Variants in CNTNAP2 observed in about 807,000 individuals in gnomAD.
The protein encoded by CNTNAP2 is contactin associated protein 2.
A neutral mutation model predicts 155.2 loss-of-function variants in CNTNAP2; 98 were observed. The observed-to-expected ratio is 0.63, with a 90% CI of 0.54 to 0.75. CNTNAP2 has a LOEUF of 0.75. Among genes scored for constraint, CNTNAP2 ranks in the 30% least tolerant of loss-of-function variants. The pLI, the probability that CNTNAP2 is intolerant of heterozygous loss-of-function variation, is 0.00. For synonymous variants in CNTNAP2, 651 were observed against 631.2 expected, an observed-to-expected ratio of 1.03 and a Z score of -0.47; for missense variants, 1,727 against 1,688.1, an observed-to-expected ratio of 1.02 and a Z score of -0.40.
chr7:146,991,340 G>A (rs1417242430), intron 3 of CNTNAP2, among the ~76,000 whole-genome samples: 1 of 151,930 alleles, frequency 6.6e-6, no homozygotes, highest in African/African-American at 2.4e-5. Context: ...GTAAAGGAAG[G>A]ACACCTGATA....
At chr7:147,180,121 G>A (rs1802424573) in intron 8 of CNTNAP2, among the ~76,000 whole-genome samples, 1 of 152,090 alleles carries the variant, frequency 6.6e-6, no homozygotes, top group Non-Finnish European at 1.5e-5. Flanking sequence ...AAGGGACCAG[G>A]AAGGTGCACA....
At chr7:146,551,989 G>GA (rs907657374) in intron 1 of CNTNAP2, among the ~76,000 whole-genome samples, 1 of 151,648 alleles carries the variant, frequency 6.6e-6, no homozygotes, top group South Asian at 2.1e-4. Context: ...CTGACATAAT[G>GA]AAAAAAATAT....
chr7:147,996,543 C>G (rs1365121287), intron 15 of CNTNAP2, among the ~76,000 whole-genome samples: 2 of 152,118 alleles, frequency 1.3e-5, no homozygotes, highest in Non-Finnish European at 2.9e-5. Context: ...ATTTCCTCAT[C>G]TGTAAAATAG....
At chr7:147,975,051 TATA>T (rs1483795937) in intron 14 of CNTNAP2, among the ~76,000 whole-genome samples, 1 of 151,356 alleles carries the variant, frequency 6.6e-6, no homozygotes, top group African/African-American at 2.4e-5. Context: ...TTGTATTACG[TATA>T]ATACAATTTT....
chr7:147,266,001 G>C (rs542922213), intron 8 of CNTNAP2, among the ~76,000 whole-genome samples: 3 of 152,090 alleles, frequency 2.0e-5, no homozygotes, highest in Non-Finnish European at 4.4e-5. Context: ...CAACCTCAAA[G>C]ATCTGAACCA....
intron 17 of CNTNAP2, among the ~76,000 whole-genome samples, chr7:148,166,488 GTT>G (rs5888308): frequency 0.082 from 12,126 of 148,120 alleles, 625 homozygotes; most frequent in East Asian, 0.24. Context: ...TGAGGACAGT[GTT>G]TTTTTTTTTA....
At chr7:147,581,980 A>G (rs1443185154) in intron 12 of CNTNAP2, among the ~76,000 whole-genome samples, 1 of 152,198 alleles carries the variant, frequency 6.6e-6, no homozygotes, top group African/African-American at 2.4e-5. Flanking sequence ...TAAGATATGA[A>G]CAAAGAGATT....
chr7:147,202,556 C>A (rs1251939578), intron 8 of CNTNAP2, among the ~76,000 whole-genome samples: 1 of 151,816 alleles, frequency 6.6e-6, no homozygotes, highest in African/African-American at 2.4e-5. Flanking sequence ...TAGGAGAGGC[C>A]CCAAGAATGA....
intron 3 of CNTNAP2, among the ~76,000 whole-genome samples, chr7:146,976,652 C>T (rs1314782914): frequency 6.6e-6 from 1 of 152,168 alleles, no homozygotes; most frequent in African/African-American, 2.4e-5. Flanking sequence ...CTAGGAACCT[C>T]CATGTGTTCA....
At chr7:147,285,494 T>C (rs1027207283) in intron 8 of CNTNAP2, among the ~76,000 whole-genome samples, 2 of 152,008 alleles carry the variant, frequency 1.3e-5, no homozygotes, top group Non-Finnish European at 2.9e-5. Context: ...ATTTTAAGCT[T>C]TTGTTATAAA....
intron 20 of CNTNAP2, among the ~76,000 whole-genome samples, chr7:148,258,225 G>C (rs373492142): frequency 2.0e-5 from 3 of 152,192 alleles, no homozygotes; most frequent in Non-Finnish European, 4.4e-5. Flanking sequence ...CGCTCCTGGG[G>C]CAGGAGTGGT....
chr7:147,371,959 T>A (rs758042939), intron 9 of CNTNAP2, among the ~76,000 whole-genome samples: 2 of 152,124 alleles, frequency 1.3e-5, no homozygotes, highest in Non-Finnish European at 2.9e-5. Context: ...TCCCTAAATC[T>A]TGTTTCACAG....
intron 13 of CNTNAP2, among the ~76,000 whole-genome samples, chr7:147,719,255 A>C (rs939151681): frequency 6.6e-6 from 1 of 152,098 alleles, no homozygotes; most frequent in African/African-American, 2.4e-5. Context: ...CTCCAACTGC[A>C]AACAAGCCCA....
rs541693598 is a variant in CNTNAP2, at chr7:147,217,137, C to T, written c.1349-83004C>T. Among the ~76,000 whole-genome samples, 169 of 152,026 alleles carry T rather than the reference C, an allele frequency of 1.1e-3. 1 individual carries two copies. The highest frequency in any genetic ancestry group is 3.9e-3 in the African/African-American group (163 of 41,516). ...GTCATCAGAAAAAACATGATTTCTT[C>T]CTTTTTTCTTTTTCTTTCTTGCTGC... is the stretch of plus-strand genomic sequence containing the variant. On this transcript the variant is annotated intron_variant, in intron 8 of 23. Transcript: ENST00000361727.
chr7:148,028,149 C>T (rs917774709), intron 15 of CNTNAP2, among the ~76,000 whole-genome samples: 2 of 152,212 alleles, frequency 1.3e-5, no homozygotes, highest in South Asian at 2.1e-4. Flanking sequence ...ATTGTACAGA[C>T]GAAATCGGTG....
Position 146,602,023 on chromosome 7 carries a change from G to A in CNTNAP2, c.98-172248G>A, listed in dbSNP as rs1017631291. On this transcript the variant is annotated intron_variant, in intron 1 of 23. Coordinates refer to ENST00000361727, the MANE Select transcript of CNTNAP2 (RefSeq NM_014141.6). Reference sequence around the variant, plus strand: ...TCAAAACAAGAATCCACAAAAACTTGTAGGTAAAGACAAATGTTTTATTTT... The same window carrying A: ...TCAAAACAAGAATCCACAAAAACTTATAGGTAAAGACAAATGTTTTATTTT... Among the ~76,000 whole-genome samples, 11 of 152,222 alleles carry A rather than the reference G, an allele frequency of 7.2e-5. No homozygotes were observed. The South Asian group carries it at 2.3e-3, about 32-fold the overall frequency.
At chr7:146,511,340 G>A (rs1797462868) in intron 1 of CNTNAP2, among the ~76,000 whole-genome samples, 1 of 152,198 alleles carries the variant, frequency 6.6e-6, no homozygotes, top group Non-Finnish European at 1.5e-5. Context: ...AATAAAAGTA[G>A]TGAAAGCGGT....
chr7:147,201,890 GA>G (rs1300021414), intron 8 of CNTNAP2, among the ~76,000 whole-genome samples: 3 of 152,056 alleles, frequency 2.0e-5, no homozygotes, highest in African/African-American at 7.2e-5. Context: ...AGAAAAGGAG[GA>G]AAACTAATAC....
intron 1 of CNTNAP2, among the ~76,000 whole-genome samples, chr7:146,580,687 A>G (rs543653735): frequency 3.9e-5 from 6 of 152,102 alleles, no homozygotes; most frequent in Non-Finnish European, 8.8e-5. Flanking sequence ...GTAATGAAGA[A>G]TGCTTGTCAA....
Sources: allele counts gnomAD v4.1 joint callset (sites outside exome capture counted in the v4.1 genomes callset), GRCh38; gene constraint gnomAD v4.1.1; transcripts MANE v1.5; gene names NCBI Gene and HGNC (gene_info 2026-07-23, HGNC 2026-07-21).